Variants in AUTS2 observed in about 807,000 individuals in gnomAD.
AUTS2 encodes the protein activator of transcription and developmental regulator AUTS2, also known as autism susceptibility gene 2 protein.
AUTS2 carries 17 observed loss-of-function variants against 112.4 expected under a neutral mutation model. That is an observed-to-expected ratio of 0.15 (90% CI 0.10 to 0.23). The LOEUF (loss-of-function observed/expected upper bound fraction) is 0.23. Among genes scored for constraint, AUTS2 ranks in the 10% least tolerant of loss-of-function variants. The pLI is 1.00. For missense variants in AUTS2, 1,510 were observed against 1,701.6 expected, an observed-to-expected ratio of 0.89 and a Z score of 1.98; for synonymous variants, 751 against 702.7, an observed-to-expected ratio of 1.07 and a Z score of -1.09.
At chr7:70,273,643 C>G (rs981413550) in intron 4 of AUTS2, among the ~76,000 whole-genome samples, 1 of 151,842 alleles carries the variant, frequency 6.6e-6, no homozygotes, top group African/African-American at 2.4e-5. Context: ...TTATAGTCAC[C>G]CCTTGGTATA....
At chr7:70,126,226 C>G (rs1198262467) in intron 3 of AUTS2, among the ~76,000 whole-genome samples, 1 of 152,138 alleles carries the variant, frequency 6.6e-6, no homozygotes, top group Non-Finnish European at 1.5e-5. Context: ...GGAGATCAGC[C>G]TGGCCAACAT....
chr7:69,895,547 C>G (rs1008852206), intron 1 of AUTS2, among the ~76,000 whole-genome samples: 7 of 144,692 alleles, frequency 4.8e-5, no homozygotes, highest in African/African-American at 1.8e-4. Flanking sequence ...TCTTCTTCCC[C>G]CCCCCCGAGT....
chr7:70,128,599 G>A (rs558096793), intron 3 of AUTS2, among the ~76,000 whole-genome samples: 18 of 152,284 alleles, frequency 1.2e-4, no homozygotes, highest in South Asian at 4.2e-4. Context: ...TTGTGTTCGA[G>A]GGAAAGAAAA....
At position 70,118,245 on chromosome 7, in the gene AUTS2, TAAAAAAAAAAAA is replaced by T; in HGVS notation, c.624+23_624+34del. ...AAAGGCTCAGTGATGTAAGTTTAAG[TAAAAAAAAAAAA>T]AAAAAAAAAATTAACGAAAACCACT... On this transcript the variant is annotated intron_variant, in intron 3 of 18. Coordinates refer to ENST00000342771, the MANE Select transcript of AUTS2 (RefSeq NM_015570.4). 2.3e-6 allele frequency: 3 copies of T among 1,322,588 alleles called. No individual in the cohort carries two copies. Among genetic ancestry groups the T allele is most frequent in the South Asian group, 1.7e-5 (1 of 59,924 alleles). The allele number at this position is 1,322,588 out of a possible 1,614,324, so 81.9% of individuals were successfully genotyped here. A position where few individuals can be genotyped will look rare whatever the true frequency, so the allele number is the denominator to read the frequency against.
intron 2 of AUTS2, among the ~76,000 whole-genome samples, chr7:70,031,726 A>G (rs1301771885): frequency 6.6e-6 from 1 of 152,172 alleles, no homozygotes. Flanking sequence ...CCTTCTAATA[A>G]GAGCAGTACA....
intron 5 of AUTS2, among the ~76,000 whole-genome samples, chr7:70,678,413 A>C (rs1277273505): frequency 6.6e-6 from 1 of 152,146 alleles, no homozygotes; most frequent in Admixed American, 6.5e-5. Context: ...TTGCCCCTCA[A>C]CTCTCCTTGG....
At chr7:69,965,353 A>G (rs17362817) in intron 2 of AUTS2, among the ~76,000 whole-genome samples, 12,882 of 152,168 alleles carry the variant, frequency 0.085, 638 homozygotes, top group East Asian at 0.13. Flanking sequence ...CGAGGCATCA[A>G]CTGTGTCTAT....
At chr7:69,870,446 G>GT (rs57476421) in intron 1 of AUTS2, among the ~76,000 whole-genome samples, 9,313 of 20,572 alleles carry the variant, frequency 0.45, 623 homozygotes, top group African/African-American at 0.52. Context: ...GTATGTGTGT[G>GT]TAATATATAT....
At chr7:69,997,426 T>C (rs1310459571) in intron 2 of AUTS2, among the ~76,000 whole-genome samples, 3 of 152,178 alleles carry the variant, frequency 2.0e-5, no homozygotes, top group Admixed American at 6.5e-5. Context: ...GTTTGTGTGC[T>C]GAATCCTTTT....
chr7:70,438,157 A>G (rs377614772), intron 5 of AUTS2, among the ~76,000 whole-genome samples: 12 of 152,118 alleles, frequency 7.9e-5, no homozygotes, highest in East Asian at 3.9e-4. Context: ...GCACCCCACC[A>G]GGTCCTTTCC....
At chr7:69,812,265 T>G (rs1306846121) in intron 1 of AUTS2, among the ~76,000 whole-genome samples, 1 of 152,118 alleles carries the variant, frequency 6.6e-6, no homozygotes, top group Non-Finnish European at 1.5e-5. Context: ...AATTAGGGTA[T>G]TTCTGGGAGG....
intron 2 of AUTS2, among the ~76,000 whole-genome samples, chr7:70,020,002 T>C (rs1265734626): frequency 2.0e-5 from 3 of 152,316 alleles, no homozygotes; most frequent in African/African-American, 7.2e-5. Flanking sequence ...TCTGGGTATG[T>C]CCAAGATAGA....
chr7:70,423,390 A>T (rs1795302741), intron 4 of AUTS2, among the ~76,000 whole-genome samples: 1 of 152,246 alleles, frequency 6.6e-6, no homozygotes, highest in African/African-American at 2.4e-5. Flanking sequence ...ACAAAGTTTA[A>T]AATATGTAGC....
intron 1 of AUTS2, among the ~76,000 whole-genome samples, chr7:69,842,332 C>T (rs987247851): frequency 2.0e-5 from 3 of 152,160 alleles, no homozygotes; most frequent in Admixed American, 6.5e-5. Flanking sequence ...ACCAGATAAA[C>T]TTGTCCTAAT....
At chr7:70,156,919 A>G (rs1807802248) in intron 4 of AUTS2, among the ~76,000 whole-genome samples, 1 of 140,066 alleles carries the variant, frequency 7.1e-6, no homozygotes, top group East Asian at 2.3e-4. Context: ...AAAAAAAAAA[A>G]AAAAAAAATT....
rs542208524 is a variant in AUTS2 at position 70,009,513 on chromosome 7, A to G, written c.523-108619A>G. Among the ~76,000 whole-genome samples, 8 of 152,352 alleles carry G rather than the reference A, an allele frequency of 5.3e-5. No homozygotes were observed. In the South Asian group the frequency reaches 1.7e-3, roughly 32 times the overall value. On this transcript the variant is annotated intron_variant, in intron 2 of 18. Coordinates refer to ENST00000342771, the MANE Select transcript of AUTS2 (RefSeq NM_015570.4). ...TTTTGCCATTGCAGCAAGCCTTAGTAGTGACCTAGATTCAAAATGTTACTT... is the reference window on the plus strand; with the variant it reads ...TTTTGCCATTGCAGCAAGCCTTAGTGGTGACCTAGATTCAAAATGTTACTT...
intron 6 of AUTS2, among the ~76,000 whole-genome samples, chr7:70,746,093 A>G (rs546985430): frequency 6.6e-6 from 1 of 152,350 alleles, no homozygotes; most frequent in South Asian, 2.1e-4. Context: ...GAAAGAAATC[A>G]TTCCTCAAAA....
At chr7:69,654,618 C>G (rs1795439216) in intron 1 of AUTS2, among the ~76,000 whole-genome samples, 1 of 152,178 alleles carries the variant, frequency 6.6e-6, no homozygotes, top group Non-Finnish European at 1.5e-5. Flanking sequence ...AATCAAGATT[C>G]AAACTAGGCA....
At chr7:70,046,279 A>T (rs1331032168) in intron 2 of AUTS2, among the ~76,000 whole-genome samples, 1 of 152,196 alleles carries the variant, frequency 6.6e-6, no homozygotes, top group Non-Finnish European at 1.5e-5. Context: ...TCTGTATAAT[A>T]GGAAGTAAGT....
Sources: gnomAD v4.1 joint callset for allele counts (sites outside exome capture counted in the v4.1 genomes callset) on GRCh38, gnomAD v4.1.1 for gene constraint, MANE v1.5 for transcripts, NCBI Gene and HGNC (gene_info 2026-07-23, HGNC 2026-07-21) for gene names.